Variants in MAN1A1 observed in about 807,000 individuals in gnomAD.
MAN1A1 encodes the protein mannosidase alpha class 1A member 1, also known as mannosyl-oligosaccharide 1,2-alpha-mannosidase IA.
In MAN1A1, 29 loss-of-function variants were observed where a neutral mutation model predicts 70.8. That is an observed-to-expected ratio of 0.41 (90% CI 0.31 to 0.56). The LOEUF (loss-of-function observed/expected upper bound fraction) is 0.56. MAN1A1 is among the 20% of genes least tolerant of loss of function. MAN1A1 has a pLI of 0.29. For missense variants in MAN1A1, 747 were observed against 841.3 expected, an observed-to-expected ratio of 0.89 and a Z score of 1.39; for synonymous variants, 349 against 330.1, an observed-to-expected ratio of 1.06 and a Z score of -0.62.
chr6:119,245,218 T>C (rs890208318), intron 6 of MAN1A1, among the ~76,000 whole-genome samples: 1 of 152,108 alleles, frequency 6.6e-6, no homozygotes, highest in Admixed American at 6.6e-5. Context: ...CTTTAAGCCC[T>C]CCTTTTTTCT....
chr6:119,192,708 C>T (rs1773472905), intron 9 of MAN1A1, among the ~76,000 whole-genome samples: 1 of 152,070 alleles, frequency 6.6e-6, no homozygotes, highest in African/African-American at 2.4e-5. Context: ...TACAACACTA[C>T]TTGAGAAGCC....
At chr6:119,286,026 T>C (rs1011208822) in intron 5 of MAN1A1, among the ~76,000 whole-genome samples, 1 of 152,174 alleles carries the variant, frequency 6.6e-6, no homozygotes, top group Non-Finnish European at 1.5e-5. Context: ...CAGAATACAC[T>C]GCTATGTGCT....
At chr6:119,302,644 T>C (rs1772422773) in intron 3 of MAN1A1, among the ~76,000 whole-genome samples, 1 of 152,034 alleles carries the variant, frequency 6.6e-6, no homozygotes, top group African/African-American at 2.4e-5. Context: ...CCTCCCAAAG[T>C]GCTGAGATTA....
chr6:119,252,512 G>T (rs1281086890), intron 5 of MAN1A1, among the ~76,000 whole-genome samples: 2 of 152,300 alleles, frequency 1.3e-5, no homozygotes, highest in Middle Eastern at 6.8e-3. Flanking sequence ...GAAGTTTTGT[G>T]GCTGGGCACG....
chr6:119,286,467 A>T (rs1776378150), intron 5 of MAN1A1, among the ~76,000 whole-genome samples: 1 of 152,024 alleles, frequency 6.6e-6, no homozygotes, highest in African/African-American at 2.4e-5. Context: ...GCAGTATTAT[A>T]TTTATTGAGT....
At chr6:119,236,510 ACCT>A (rs1360143078) in intron 6 of MAN1A1, among the ~76,000 whole-genome samples, 1 of 151,870 alleles carries the variant, frequency 6.6e-6, no homozygotes, top group Non-Finnish European at 1.5e-5. Context: ...CGAACTCCTG[ACCT>A]CCTGGCCAAC....
chr6:119,319,821 T>C lies in MAN1A1; in HGVS notation c.604-12829A>G, dbSNP rs556753019. Among the ~76,000 whole-genome samples the C allele has an allele frequency of 2.6e-4, 39 of 152,302 alleles. No individual in the cohort carries two copies. In the South Asian group the frequency reaches 7.9e-3, roughly 31 times the overall value. The stretch of plus-strand genomic sequence containing the variant: ...AGCTAGAAGTGGCTATTGGTCAAAG[T>C]TCCAGCCAATGGGACTTTTGTCAAG... On this transcript the variant is annotated intron_variant, in intron 2 of 12. Transcript: ENST00000368468.
At chr6:119,302,140 G>T in intron 3 of MAN1A1, 37 bp from the exon 4 acceptor site, 2 of 1,032,928 alleles carry the variant, frequency 1.9e-6, no homozygotes, top group African/African-American at 1.6e-5. Flanking sequence ...AAAATACTTT[G>T]CCTAGATAAA....
At chr6:119,249,074 G>A (rs1278961075) in intron 5 of MAN1A1, among the ~76,000 whole-genome samples, 4 of 152,120 alleles carry the variant, frequency 2.6e-5, no homozygotes, top group African/African-American at 7.2e-5. Context: ...AGAACTGTAC[G>A]CAGCATTGAA....
At chr6:119,325,251 G>T (rs776797634) in intron 2 of MAN1A1, among the ~76,000 whole-genome samples, 9 of 152,026 alleles carry the variant, frequency 5.9e-5, no homozygotes, top group Admixed American at 3.3e-4. Flanking sequence ...TCAAAGAGCG[G>T]GAAATCAGAA....
At chr6:119,193,035 C>A (rs1228359657) in intron 9 of MAN1A1, among the ~76,000 whole-genome samples, 1 of 151,930 alleles carries the variant, frequency 6.6e-6, no homozygotes, top group East Asian at 1.9e-4. Flanking sequence ...CAAATAAATC[C>A]ACAGTGGATG....
chr6:119,312,947 G>T (rs192686355), intron 2 of MAN1A1, among the ~76,000 whole-genome samples: 1 of 152,300 alleles, frequency 6.6e-6, no homozygotes, highest in Admixed American at 6.5e-5. Flanking sequence ...GAGATCAGGT[G>T]TGACAGGGCA....
intron 6 of MAN1A1, among the ~76,000 whole-genome samples, chr6:119,232,461 T>C (rs1774711441): frequency 1.3e-5 from 2 of 149,024 alleles, no homozygotes; most frequent in Admixed American, 1.3e-4. Context: ...ACAATGCCAA[T>C]GAGTGATAGC....
At chr6:119,328,859 T>C (rs925175347) in intron 2 of MAN1A1, among the ~76,000 whole-genome samples, 1 of 152,198 alleles carries the variant, frequency 6.6e-6, no homozygotes, top group African/African-American at 2.4e-5. Context: ...TGACAGTTAA[T>C]GGAACAATAT....
chr6:119,194,118 T>C (rs1328428461), intron 8 of MAN1A1, among the ~76,000 whole-genome samples: 6 of 152,174 alleles, frequency 3.9e-5, no homozygotes, highest in Non-Finnish European at 7.4e-5. Context: ...TTTGTAAACA[T>C]GGAAGATAAA....
intron 2 of MAN1A1, among the ~76,000 whole-genome samples, chr6:119,315,944 T>C (rs572338676): frequency 6.6e-6 from 1 of 152,328 alleles, no homozygotes; most frequent in Admixed American, 6.5e-5. Context: ...TTGGTCTGTT[T>C]ATTCGGCAGA....
At chr6:119,343,462 G>C (rs530404507) in intron 2 of MAN1A1, among the ~76,000 whole-genome samples, 2 of 152,034 alleles carry the variant, frequency 1.3e-5, no homozygotes, top group African/African-American at 2.4e-5. Context: ...CTTACGACTC[G>C]GAGCATACAC....
intron 2 of MAN1A1, among the ~76,000 whole-genome samples, chr6:119,307,309 C>T (rs984293143): frequency 1.5e-5 from 2 of 133,306 alleles, no homozygotes; most frequent in African/African-American, 5.5e-5. Context: ...AAGCATGAAC[C>T]ATGTCTACAT....
At chr6:119,317,088 T>C (rs1380709972) in intron 2 of MAN1A1, among the ~76,000 whole-genome samples, 1 of 152,128 alleles carries the variant, frequency 6.6e-6, no homozygotes, top group Non-Finnish European at 1.5e-5. Flanking sequence ...ACAGACTTTT[T>C]TTTAAACAGA....
Sources: gnomAD v4.1 joint callset for allele counts (sites outside exome capture counted in the v4.1 genomes callset) on GRCh38, gnomAD v4.1.1 for gene constraint, MANE v1.5 for transcripts, NCBI Gene and HGNC (gene_info 2026-07-23, HGNC 2026-07-21) for gene names.